The following PCSK4 variants were observed in gnomAD, a reference collection of about 807,000 sequenced individuals.
PCSK4 encodes proprotein convertase subtilisin/kexin type 4.
PCSK4 carries 64 observed loss-of-function variants against 80.3 expected under a neutral mutation model. The ratio of observed to expected loss-of-function variants is 0.80; its 90% CI spans 0.65 to 0.98. PCSK4 has a LOEUF of 0.98. PCSK4 is among the 50% of genes least tolerant of loss of function. The probability of loss-of-function intolerance (pLI) is 0.00; values close to 1 mark genes in which losing one functional copy is unlikely to be tolerated. For missense variants in PCSK4, 1,213 were observed against 1,093.6 expected (o/e 1.11, Z -1.54); for synonymous variants, 561 against 487.6 (o/e 1.15, Z -1.98).
chr19:1,483,309 T>C lies in PCSK4; in HGVS notation c.1546A>G (p.Thr516Ala), dbSNP rs775449142. 1.1e-5 allele frequency: 17 copies of C among 1,606,666 alleles called. No homozygotes were observed. The South Asian group carries it at 1.8e-4, about 17-fold the overall frequency. The change falls in exon 12 of 15, where the codon ACG becomes GCG. Residue 516 changes from threonine (T) to alanine (A), a missense_variant. By Grantham distance (58) the Thr-to-Ala change is moderately conservative. Coordinates refer to ENST00000300954, the Ensembl canonical transcript of PCSK4. ...CGTATGGCCACGAGTGTGGAGCGCG[T>C]GCCCATGGGGCTGGTGAGCGAGATC... is the stretch of plus-strand genomic sequence containing the variant.
exon 15 of PCSK4, chr19:1,481,543 T>A: frequency 2.3e-6 from 1 of 431,740 alleles, no homozygotes. Flanking sequence ...CTCCAGCCTC[T>A]CCCCCCAGCC....
chr19:1,490,740 C>T (rs972728060), upstream of PCSK4: 10 of 213,692 alleles, frequency 4.7e-5, no homozygotes, highest in African/African-American at 9.2e-5. Flanking sequence ...TGCGTAATCC[C>T]GCCTCCTCCG....
upstream of PCSK4, chr19:1,490,686 GAATCAGCCC>G (rs2084902062): frequency 3.3e-6 from 1 of 307,020 alleles, no homozygotes; most frequent in Non-Finnish European, 6.0e-6. Context: ...CCTCCTTCGA[GAATCAGCCC>G]GGCCTCCTGT....
intron 2 of PCSK4, 142 bp downstream of exon 2, chr19:1,489,651 A>G: frequency 7.1e-7 from 1 of 1,410,932 alleles, no homozygotes; most frequent in Non-Finnish European, 9.4e-7. Flanking sequence ...CTCTTGCTGT[A>G]TAGACTTGGG....
Position 1,483,629 on chromosome 19 carries a change from AGG to A in PCSK4, c.1391+19_1391+20del. ...CCCACACCCCCAGCGGGGATAGCGG[AGG>A]GGCGCGCAGGGGTCTCACGTGGGGC... On this transcript the variant is annotated intron_variant, in intron 11 of 14. Transcript: ENST00000300954. 6.5e-7 allele frequency: 1 copy of A among 1,535,026 alleles called. No homozygotes were observed. Among genetic ancestry groups the A allele is most frequent in the South Asian group, 1.2e-5 (1 of 85,546 alleles).
Position 1,488,099 on chromosome 19 carries a change from G to A in PCSK4, c.388-7C>T, listed in dbSNP as rs1056508336. The A allele has an allele frequency of 1.9e-6, 3 of 1,612,646 alleles. No individual in the cohort carries two copies. The African/African-American group carries it at 4.0e-5, about 22-fold the overall frequency. On this transcript the variant is annotated splice_polypyrimidine_tract_variant and splice_region_variant and intron_variant, in intron 3 of 14. Coordinates refer to ENST00000300954, the Ensembl canonical transcript of PCSK4. ...CTGGTTGGGCCTCGCTGTTCTGCAGGGGGAGGCGGGGTTGTGACCCTGTGA... is the reference window on the plus strand; with the variant it reads ...CTGGTTGGGCCTCGCTGTTCTGCAGAGGGAGGCGGGGTTGTGACCCTGTGA...
Position 1,490,071 on chromosome 19 carries a change from CT to C in PCSK4, c.189+86del, listed in dbSNP as rs1385242054. On this transcript the variant is annotated intron_variant, in intron 1 of 14. Coordinates refer to ENST00000300954, the Ensembl canonical transcript of PCSK4. ...CTGGGACTCTTGATATTTAGAAGAC[CT>C]TGTGGGCTCCCTCCCCCTTGTCGGG... 207 of 1,549,116 alleles carry C rather than the reference CT, an allele frequency of 1.3e-4. 1 individual carries two copies. Among genetic ancestry groups the C allele is most frequent in the Middle Eastern group, 8.5e-4 (5 of 5,898 alleles).
chr19:1,482,222 G>T lies in PCSK4; in HGVS notation c.1820-15C>A, dbSNP rs367761634. Reference sequence around the variant, plus strand: ...GCCGTCACACGCTGCTCGGGGACACGCACGCAAAGGCCCGTCAGCTTGCCA... The same window carrying T: ...GCCGTCACACGCTGCTCGGGGACACTCACGCAAAGGCCCGTCAGCTTGCCA... On this transcript the variant is annotated splice_polypyrimidine_tract_variant and intron_variant, in intron 14 of 14. Transcript: ENST00000300954. 1 of 1,524,694 alleles carries T rather than the reference G, an allele frequency of 6.6e-7. No homozygotes were observed. The allele number at this position is 1,524,694 out of a possible 1,614,324, so 94.4% of individuals were successfully genotyped here. A position where few individuals can be genotyped will look rare whatever the true frequency, so the allele number is the denominator to read the frequency against.
chr19:1,487,954 G>A lies in PCSK4; in HGVS notation c.516+10C>T, dbSNP rs369749779. The A allele has an allele frequency of 1.3e-5, 21 of 1,604,176 alleles. No homozygotes were observed. The highest frequency in any genetic ancestry group is 2.7e-5 in the African/African-American group (2 of 74,710). ...GGGCAGCCCTCGCCCACAGCCACCC[G>A]CGGTCTCACGTAGTTGGCCCAGAGG... On this transcript the variant is annotated intron_variant, in intron 4 of 14. Transcript: ENST00000300954.
exon 1 of PCSK4, chr19:1,490,330 A>G (rs1225999982): frequency 6.6e-6 from 9 of 1,366,342 alleles, no homozygotes; most frequent in Non-Finnish European, 9.0e-6. Context: ...CCACAGCGCA[A>G]TCGGGGCGGG....
exon 10 of PCSK4, chr19:1,483,901 G>C: frequency 6.0e-6 from 9 of 1,489,560 alleles, no homozygotes; most frequent in Non-Finnish European, 8.0e-6. Flanking sequence ...TTGGACGCGC[G>C]GACCACCAGG....
At chr19:1,490,598 C>G (rs1245271467), upstream of PCSK4, 3 of 451,230 alleles carry the variant, frequency 6.6e-6, no homozygotes, top group Non-Finnish European at 1.2e-5. Context: ...AACGACAAGA[C>G]TAACCCAGAG....
exon 1 of PCSK4, chr19:1,490,230 G>C (rs142595426): frequency 6.2e-7 from 1 of 1,613,002 alleles, no homozygotes; most frequent in East Asian, 2.2e-5. Flanking sequence ...ACACCTGGAC[G>C]GCCCAGCTGC....
At chr19:1,482,843 G>T in intron 13 of PCSK4, 53 bp downstream of exon 13, 1 of 1,593,262 alleles carries the variant, frequency 6.3e-7, no homozygotes. Flanking sequence ...AGAGCCCCTG[G>T]GGGGAGGTTG....
At chr19:1,486,898 G>A (rs757097897) in exon 8 of PCSK4, 8 of 1,601,304 alleles carry the variant, frequency 5.0e-6, no homozygotes, top group Non-Finnish European at 5.9e-6. Flanking sequence ...TGGTGGTGAG[G>A]GTGGAGGCGC....
intron 13 of PCSK4, 137 bp from the exon 14 acceptor site, chr19:1,482,612 CCTA>C: frequency 9.2e-7 from 1 of 1,091,856 alleles, no homozygotes; most frequent in Non-Finnish European, 1.3e-6. Context: ...GAATTGCACA[CCTA>C]CTGTGCGCCT....
intron 2 of PCSK4, 27 bp downstream of exon 2, chr19:1,489,765 AG>A (rs781253654): frequency 1.9e-6 from 3 of 1,589,828 alleles, no homozygotes; most frequent in Non-Finnish European, 2.6e-6. Context: ...GACCCCGGGC[AG>A]GGGGTTGGCC....
chr19:1,482,815 G>T, intron 13 of PCSK4, 81 bp downstream of exon 13: 3 of 1,492,354 alleles, frequency 2.0e-6, no homozygotes, highest in South Asian at 1.2e-5. Context: ...TTGCAGTGCG[G>T]TCACCAAGGC....
intron 6 of PCSK4, 105 bp from the exon 7 acceptor site, chr19:1,487,418 T>C: frequency 1.9e-6 from 2 of 1,037,796 alleles, no homozygotes; most frequent in Non-Finnish European, 2.8e-6. Flanking sequence ...ACCTGGGCCC[T>C]CTCTCTGCTC....
Sources: allele counts gnomAD v4.1 joint callset, GRCh38; gene constraint gnomAD v4.1.1; transcripts MANE v1.5; gene names NCBI Gene and HGNC (gene_info 2026-07-23, HGNC 2026-07-21).